Variants in STAT4 observed in about 807,000 individuals in gnomAD.
STAT4 encodes signal transducer and activator of transcription 4.
Under a neutral mutation model 110.5 loss-of-function variants are expected in STAT4, and 42 were observed. The ratio of observed to expected loss-of-function variants is 0.38; its 90% CI spans 0.30 to 0.49. The LOEUF (loss-of-function observed/expected upper bound fraction) is 0.49. STAT4 is among the 20% of genes least tolerant of loss of function. STAT4 has a pLI of 0.95. For synonymous variants in STAT4, 284 were observed against 302.2 expected (o/e 0.94, Z 0.63); for missense variants, 632 against 887.9 (o/e 0.71, Z 3.66).
At position 191,066,861 on chromosome 2, in the gene STAT4, T is replaced by G. The variant is rs1697002612; in HGVS notation, c.545-346A>C. 6.6e-6 allele frequency among the ~76,000 whole-genome samples: 1 copy of G among 152,114 alleles called. No individual in the cohort carries two copies. The highest frequency in any genetic ancestry group is 1.5e-5 in the Non-Finnish European group (1 of 68,032). Reference sequence around the variant, plus strand: ...ATTAATTATATACTTGGTTATTTGGTAAAAGTAAGGAAAGCAGGGATCACC... The same window carrying G: ...ATTAATTATATACTTGGTTATTTGGGAAAAGTAAGGAAAGCAGGGATCACC... On this transcript the variant is annotated intron_variant, in intron 6 of 23. Transcript: ENST00000392320. The surrounding 1 kb of genome is among the most constrained non-coding windows in gnomAD (Gnocchi z 4.3).
At chr2:191,130,051 TGAAG>T (rs1698991017) in intron 3 of STAT4, among the ~76,000 whole-genome samples, 1 of 152,184 alleles carries the variant, frequency 6.6e-6, no homozygotes, top group Non-Finnish European at 1.5e-5. Context: ...ATTCCTTCCT[TGAAG>T]GTATCTTTGA....
chr2:191,124,849 T>G (rs1434817210), intron 3 of STAT4, among the ~76,000 whole-genome samples: 1 of 152,244 alleles, frequency 6.6e-6, no homozygotes, highest in African/African-American at 2.4e-5. Context: ...CCTATGCCAC[T>G]TCCTAGATCA....
At chr2:191,089,406 C>G (rs1037491975) in intron 3 of STAT4, among the ~76,000 whole-genome samples, 1 of 152,166 alleles carries the variant, frequency 6.6e-6, no homozygotes, top group African/African-American at 2.4e-5. Flanking sequence ...ACTGATCACA[C>G]CAAATGTTGA....
intron 3 of STAT4, among the ~76,000 whole-genome samples, chr2:191,108,136 G>A (rs545119780): frequency 6.6e-6 from 1 of 151,890 alleles, no homozygotes; most frequent in Admixed American, 6.6e-5. Context: ...ACTAAAAATA[G>A]AAAAATTTGC....
chr2:191,033,744 C>T lies in STAT4; in HGVS notation c.1716-118G>A, dbSNP rs1695963827. ...AAAAGTCATTCTTACCTGAAATACTCATATATAGATTAATATACATAGTGC... is the reference window on the plus strand; with the variant it reads ...AAAAGTCATTCTTACCTGAAATACTTATATATAGATTAATATACATAGTGC... On this transcript the variant is annotated intron_variant, in intron 19 of 23. Coordinates refer to ENST00000392320, the MANE Select transcript of STAT4 (RefSeq NM_003151.4). This position sits in a 1 kb window ranked among gnomAD's most constrained non-coding sequence, Gnocchi z 6.9. The T allele has an allele frequency of 5.6e-6, 8 of 1,420,646 alleles. No homozygotes were observed. The highest frequency in any genetic ancestry group is 9.5e-7 in the Non-Finnish European group (1 of 1,047,686). The allele number at this position is 1,420,646 out of a possible 1,614,324, so 88.0% of individuals were successfully genotyped here.
At chr2:191,089,320 C>T (rs1262943032) in intron 3 of STAT4, among the ~76,000 whole-genome samples, 2 of 152,116 alleles carry the variant, frequency 1.3e-5, no homozygotes, top group African/African-American at 4.8e-5. Flanking sequence ...CCACATCATA[C>T]GTGGTCAGGG....
In STAT4 at chr2:191,058,649, C is replaced by A. The variant is rs1440931750; in HGVS notation, c.1094+61G>T. On this transcript the variant is annotated intron_variant, in intron 11 of 23. Transcript: ENST00000392320. The surrounding 1 kb of genome is among the most constrained non-coding windows in gnomAD (Gnocchi z 4.3). Reference sequence around the variant, plus strand: ...CAAAATTATTCTATAAAATAAAGGCCATTCATTTTTAAAAGTCTTACATTT... The same window carrying A: ...CAAAATTATTCTATAAAATAAAGGCAATTCATTTTTAAAAGTCTTACATTT... 8.4e-6 allele frequency: 8 copies of A among 953,142 alleles called. No individual in the cohort carries two copies. Among genetic ancestry groups the A allele is most frequent in the Non-Finnish European group, 1.3e-5 (8 of 612,056 alleles). The allele number at this position is 953,142 out of a possible 1,614,324, so 59.0% of individuals were successfully genotyped here.
chr2:191,146,498 A>T lies in STAT4; in HGVS notation c.273+115T>A, dbSNP rs146410303. 1.6e-3 allele frequency: 1,678 copies of T among 1,024,526 alleles called. 17 individuals are homozygous for T. Among genetic ancestry groups the T allele is most frequent in the African/African-American group, 0.015 (896 of 60,146 alleles). 63.5% of individuals were successfully genotyped at this position (1,024,526 alleles called of 1,614,324 possible). ...CACAAAATTTGTAAGTGGTAAGACAACTCAATTTTCCCCTAAATTTCATTT... is the reference window on the plus strand; with the variant it reads ...CACAAAATTTGTAAGTGGTAAGACATCTCAATTTTCCCCTAAATTTCATTT... On this transcript the variant is annotated intron_variant, in intron 3 of 23. Coordinates refer to ENST00000392320, the MANE Select transcript of STAT4 (RefSeq NM_003151.4). The surrounding 1 kb of genome is among the most constrained non-coding windows in gnomAD (Gnocchi z 4.5).
At chr2:191,123,963 ACTT>A (rs1698807778) in intron 3 of STAT4, among the ~76,000 whole-genome samples, 1 of 152,182 alleles carries the variant, frequency 6.6e-6, no homozygotes. Context: ...CCATCTGTAC[ACTT>A]CTTTGCAAAA....
In STAT4 at chr2:191,050,996, A is replaced by G. The variant is rs1696508015; in HGVS notation, c.1251+3494T>C. On this transcript the variant is annotated intron_variant, in intron 14 of 23. Transcript: ENST00000392320. The surrounding 1 kb of genome is among the most constrained non-coding windows in gnomAD (Gnocchi z 4.3). ...ATAACTATCTGATACAAAGTCTTAC[A>G]ACCAAAAAGTAGAATGGAGCGACCC... 6.6e-6 allele frequency among the ~76,000 whole-genome samples: 1 copy of G among 152,158 alleles called. No individual in the cohort carries two copies. Among genetic ancestry groups the G allele is most frequent in the Non-Finnish European group, 1.5e-5 (1 of 68,020 alleles).
intron 3 of STAT4, among the ~76,000 whole-genome samples, chr2:191,139,627 T>A (rs927447635): frequency 2.0e-5 from 3 of 152,184 alleles, no homozygotes; most frequent in Non-Finnish European, 4.4e-5. Context: ...TGGAAACACA[T>A]TTCATGCTCA....
In STAT4 at chr2:191,036,146, C is replaced by G. The variant is rs377215312; in HGVS notation, c.1570+18G>C. On this transcript the variant is annotated intron_variant, in intron 17 of 23. Coordinates refer to ENST00000392320, the MANE Select transcript of STAT4 (RefSeq NM_003151.4). ...GGCCAAAAACAGAGGCAAATCCTCT[C>G]TATCTACCAGCTCTCACCTGTAAGC... The G allele has an allele frequency of 3.1e-6, 5 of 1,612,074 alleles. No individual in the cohort carries two copies. The highest frequency in any genetic ancestry group is 4.5e-5 in the East Asian group (2 of 44,844).
At chr2:191,103,930 T>G (rs1698210156) in intron 3 of STAT4, among the ~76,000 whole-genome samples, 1 of 152,152 alleles carries the variant, frequency 6.6e-6, no homozygotes, top group Non-Finnish European at 1.5e-5. Flanking sequence ...TTATCTACAT[T>G]TATCATCACC....
At chr2:191,073,214 C>T (rs550489949) in intron 4 of STAT4, 24 bp from the exon 5 acceptor site, 1 of 1,606,172 alleles carries the variant, frequency 6.2e-7, no homozygotes, top group South Asian at 1.1e-5. Flanking sequence ...GTCTTGAAAT[C>T]TCTCTGGTTT....
chr2:191,148,027 C>G, intron 2 of STAT4, 49 bp downstream of exon 2: 2 of 1,610,572 alleles, frequency 1.2e-6, no homozygotes, highest in Non-Finnish European at 1.7e-6. Context: ...ATGGATAGAG[C>G]ATCAGACATT....
rs1321712646 is a variant in STAT4, at chr2:191,099,582, A to T, written c.274-23257T>A. Among the ~76,000 whole-genome samples, 1 of 151,928 alleles carries T rather than the reference A, an allele frequency of 6.6e-6. No individual in the cohort carries two copies. Among genetic ancestry groups the T allele is most frequent in the Non-Finnish European group, 1.5e-5 (1 of 67,984 alleles). ...TAATAAAATTTCATTTTTGTAAATGACAAAATATTTCATCATTTACAAAAT... is the reference window on the plus strand; with the variant it reads ...TAATAAAATTTCATTTTTGTAAATGTCAAAATATTTCATCATTTACAAAAT... On this transcript the variant is annotated intron_variant, in intron 3 of 23. Coordinates refer to ENST00000392320, the MANE Select transcript of STAT4 (RefSeq NM_003151.4). This position sits in a 1 kb window ranked among gnomAD's most constrained non-coding sequence, Gnocchi z 4.1.
At chr2:191,064,041 A>G (rs1275277749) in intron 8 of STAT4, among the ~76,000 whole-genome samples, 1 of 152,254 alleles carries the variant, frequency 6.6e-6, no homozygotes, top group African/African-American at 2.4e-5. Flanking sequence ...AAACCCTATG[A>G]ACATTTTAAT....
In STAT4 at chr2:191,033,818, A is replaced by C. The variant is rs1695965495; in HGVS notation, c.1715+93T>G. ...GCAACTATTTTTTTCTGTGGTACTA[A>C]ACATGCTTAAGAGAAAAAGAAAGAA... On this transcript the variant is annotated intron_variant, in intron 19 of 23. Transcript: ENST00000392320. This position sits in a 1 kb window ranked among gnomAD's most constrained non-coding sequence, Gnocchi z 6.9. 1.5e-6 allele frequency: 2 copies of C among 1,371,076 alleles called. No individual in the cohort carries two copies. The highest frequency in any genetic ancestry group is 2.0e-6 in the Non-Finnish European group (2 of 999,294). The allele number at this position is 1,371,076 out of a possible 1,614,324, so 84.9% of individuals were successfully genotyped here.
At chr2:191,121,767 G>A (rs1293841630) in intron 3 of STAT4, among the ~76,000 whole-genome samples, 3 of 133,832 alleles carry the variant, frequency 2.2e-5, no homozygotes, top group East Asian at 2.2e-4. Context: ...ACCAGGGCCT[G>A]TTGTGGGGTG....
Sources: allele counts gnomAD v4.1 joint callset (sites outside exome capture counted in the v4.1 genomes callset), GRCh38; gene constraint gnomAD v4.1.1; non-coding constraint Gnocchi (gnomAD v3.1); transcripts MANE v1.5; gene names NCBI Gene and HGNC (gene_info 2026-07-23, HGNC 2026-07-21).